The following STK3 variants were observed in gnomAD, a reference collection of about 807,000 sequenced individuals.
The protein encoded by STK3 is serine/threonine kinase 3.
In STK3, 41 loss-of-function variants were observed where a neutral mutation model predicts 58.0. The ratio of observed to expected loss-of-function variants is 0.71; its 90% CI spans 0.55 to 0.92. The LOEUF is 0.92. STK3 is among the 40% of genes least tolerant of loss of function. The probability of loss-of-function intolerance (pLI) is 0.00; values close to 1 mark genes in which losing one functional copy is unlikely to be tolerated. For synonymous variants in STK3, 170 were observed against 191.0 expected (o/e 0.89, Z 0.91); for missense variants, 479 against 602.7 (o/e 0.79, Z 2.15).
chr8:98,618,229 T>G (rs1354094791), intron 6 of STK3, among the ~76,000 whole-genome samples: 1 of 151,106 alleles, frequency 6.6e-6, no homozygotes, highest in South Asian at 2.1e-4. Context: ...ATTATCTCAA[T>G]AGATGCAGAA....
chr8:98,704,242 C>G (rs1825809040), intron 6 of STK3, among the ~76,000 whole-genome samples: 1 of 152,152 alleles, frequency 6.6e-6, no homozygotes, highest in Admixed American at 6.5e-5. Context: ...AAAGGCAGTA[C>G]TTGTTACCAG....
intron 10 of STK3, among the ~76,000 whole-genome samples, chr8:98,463,353 T>C (rs940087036): frequency 3.3e-5 from 5 of 151,900 alleles, no homozygotes; most frequent in African/African-American, 1.2e-4. Context: ...AAGATCAATA[T>C]ACAAAACTAT....
At chr8:98,649,496 T>C (rs1820703664) in intron 6 of STK3, among the ~76,000 whole-genome samples, 1 of 152,202 alleles carries the variant, frequency 6.6e-6, no homozygotes, top group Non-Finnish European at 1.5e-5. Context: ...ATTTAGGTAT[T>C]GTAAGAGACC....
rs570319187 is a variant in STK3, at chr8:98,921,944, T to C, written c.-79+20434A>G. On this transcript the variant is annotated intron_variant, in intron 1 of 1. Coordinates refer to the STK3 transcript ENST00000519420. ...CCTAGCCTCAAGTGATCCACCCACC[T>C]CGGCCTTCCAAAATGCTGGGATTAC... Among the ~76,000 whole-genome samples the C allele has an allele frequency of 4.6e-4, 70 of 152,260 alleles. 1 individual carries two copies. In the South Asian group the frequency reaches 0.014, roughly 30 times the overall value.
At chr8:98,535,000 T>C (rs563894519) in intron 9 of STK3, among the ~76,000 whole-genome samples, 1 of 152,284 alleles carries the variant, frequency 6.6e-6, no homozygotes, top group East Asian at 1.9e-4. Context: ...AATTCTGTAA[T>C]AGAATTATAT....
intron 3 of STK3, among the ~76,000 whole-genome samples, chr8:98,871,004 T>G (rs1473252104): frequency 6.6e-6 from 1 of 152,238 alleles, no homozygotes; most frequent in Non-Finnish European, 1.5e-5. Context: ...TAATCCATCT[T>G]GAATTAATTT....
At chr8:98,637,850 A>T (rs1045742125) in intron 6 of STK3, among the ~76,000 whole-genome samples, 6 of 152,170 alleles carry the variant, frequency 3.9e-5, no homozygotes, top group African/African-American at 1.4e-4. Flanking sequence ...TCTCAAATCA[A>T]CCTGAACCAC....
chr8:98,916,268 G>A (rs372799651), intron 1 of STK3, among the ~76,000 whole-genome samples: 2 of 152,126 alleles, frequency 1.3e-5, no homozygotes, highest in African/African-American at 4.8e-5. Flanking sequence ...ACAAAAATTA[G>A]CTGGGTGTGG....
At chr8:98,493,512 C>T (rs1333557362) in intron 10 of STK3, among the ~76,000 whole-genome samples, 1 of 152,144 alleles carries the variant, frequency 6.6e-6, no homozygotes, top group African/African-American at 2.4e-5. Context: ...TCCTATGATT[C>T]GATCTTGCTG....
At chr8:98,415,323 T>C (rs549185171) in intron 3 of STK3, among the ~76,000 whole-genome samples, 7 of 152,208 alleles carry the variant, frequency 4.6e-5, no homozygotes, top group Non-Finnish European at 8.8e-5. Context: ...ATAAATCAAC[T>C]AAGACAGACT....
intron 8 of STK3, among the ~76,000 whole-genome samples, chr8:98,554,586 C>T (rs1317807609): frequency 1.3e-5 from 2 of 152,074 alleles, no homozygotes; most frequent in East Asian, 1.9e-4. Context: ...CTTACGTAGT[C>T]AATTTGCTAA....
intron 6 of STK3, among the ~76,000 whole-genome samples, chr8:98,632,899 T>C (rs1450436932): frequency 6.6e-6 from 1 of 152,154 alleles, no homozygotes; most frequent in Non-Finnish European, 1.5e-5. Flanking sequence ...CACCTCAACC[T>C]TCCCAGTTAT....
intron 1 of STK3, among the ~76,000 whole-genome samples, chr8:98,909,337 G>A (rs2131976629): frequency 6.6e-6 from 1 of 152,188 alleles, no homozygotes; most frequent in East Asian, 1.9e-4. Flanking sequence ...ATCGACAGAT[G>A]TTGAATTTTT....
Position 98,428,564 on chromosome 8 carries a change from G to A in STK3, n.483+5563C>T. 1.2e-6 allele frequency: 2 copies of A among 1,614,154 alleles called. No individual in the cohort carries two copies. The highest frequency in any genetic ancestry group is 1.7e-6 in the Non-Finnish European group (2 of 1,180,042). ...GGGTCTTCAGCATCCTGTCCATCCT[G>A]GTGGTGATGGGGTCCATCATCACCA... On this transcript the variant is annotated intron_variant and non_coding_transcript_variant, in intron 3 of 3. Transcript: ENST00000517832. This position sits in a 1 kb window ranked among gnomAD's most constrained non-coding sequence, Gnocchi z 6.7.
chr8:98,818,578 A>C (rs1039330339), intron 1 of STK3, among the ~76,000 whole-genome samples: 9 of 151,452 alleles, frequency 5.9e-5, no homozygotes, highest in African/African-American at 2.2e-4. Context: ...GTGTGTATCA[A>C]GATAGCAGAA....
At chr8:98,385,079 A>T (rs770221343) in intron 1 of STK3, among the ~76,000 whole-genome samples, 16 of 152,086 alleles carry the variant, frequency 1.1e-4, no homozygotes, top group Non-Finnish European at 2.1e-4. Context: ...AAAGCCAGTC[A>T]TCAGTTTTCA....
At chr8:98,695,413 T>G (rs564313423) in intron 6 of STK3, among the ~76,000 whole-genome samples, 17 of 152,322 alleles carry the variant, frequency 1.1e-4, no homozygotes, top group South Asian at 6.2e-4. Flanking sequence ...AGACATGAAG[T>G]CCTTGCCCAT....
chr8:98,555,920 A>G (rs1811554039), intron 8 of STK3, among the ~76,000 whole-genome samples: 2 of 152,088 alleles, frequency 1.3e-5, no homozygotes, highest in Non-Finnish European at 2.9e-5. Context: ...TAAGGTTTAT[A>G]TTTTAACAGA....
intron 4 of STK3, among the ~76,000 whole-genome samples, chr8:98,736,868 T>C (rs1828637684): frequency 6.6e-6 from 1 of 152,172 alleles, no homozygotes; most frequent in African/African-American, 2.4e-5. Context: ...AAATTATACA[T>C]AGACAATATC....
Sources: gnomAD v4.1 joint callset for allele counts (sites outside exome capture counted in the v4.1 genomes callset) on GRCh38, gnomAD v4.1.1 for gene constraint, Gnocchi (gnomAD v3.1) non-coding constraint, MANE v1.5 for transcripts, NCBI Gene and HGNC (gene_info 2026-07-23, HGNC 2026-07-21) for gene names.